The following SLC35D4 variants were observed in gnomAD, a reference collection of about 807,000 sequenced individuals.
The protein encoded by SLC35D4 is solute carrier family 35 member D4, also known as UDP-N-acetylglucosamine transporter SLC35D4.
the SLC35D4 span, among the ~76,000 whole-genome samples, chr18:23,320,953 A>G: frequency 6.6e-6 from 1 of 152,192 alleles, no homozygotes; most frequent in Admixed American, 6.5e-5. Context: ...GCACCACCCC[A>G]GAACTCAGCA....
chr18:23,277,657 T>A, the SLC35D4 span, among the ~76,000 whole-genome samples: 1 of 152,148 alleles, frequency 6.6e-6, no homozygotes, highest in African/African-American at 2.4e-5. Flanking sequence ...TCAAGACTAC[T>A]GCAATAGGAG....
At chr18:23,253,413 G>A in the SLC35D4 span, among the ~76,000 whole-genome samples, 1 of 152,228 alleles carries the variant, frequency 6.6e-6, no homozygotes, top group South Asian at 2.1e-4. Flanking sequence ...AACCCAGGAG[G>A]TGGAGGTTGC....
chr18:23,360,698 T>C, the SLC35D4 span, among the ~76,000 whole-genome samples: 3 of 152,048 alleles, frequency 2.0e-5, no homozygotes, highest in Non-Finnish European at 4.4e-5. Flanking sequence ...GGTGTGTAGA[T>C]TTGCCAAAAT....
At chr18:23,348,680 G>A in the SLC35D4 span, among the ~76,000 whole-genome samples, 1 of 152,060 alleles carries the variant, frequency 6.6e-6, no homozygotes, top group African/African-American at 2.4e-5. Context: ...GTAACTGTCT[G>A]TGTGGTTCTT....
the SLC35D4 span, among the ~76,000 whole-genome samples, chr18:23,315,036 G>A: frequency 6.6e-6 from 1 of 152,330 alleles, no homozygotes; most frequent in East Asian, 1.9e-4. Context: ...GGGGGGTGTT[G>A]TAAGTAGGAA....
At chr18:23,371,639 A>C in the SLC35D4 span, among the ~76,000 whole-genome samples, 1 of 152,092 alleles carries the variant, frequency 6.6e-6, no homozygotes, top group African/African-American at 2.4e-5. Flanking sequence ...TTCCTCAACC[A>C]GTTGCCTACA....
At chr18:23,386,027 G>A in the SLC35D4 span, among the ~76,000 whole-genome samples, 1,988 of 151,458 alleles carry the variant, frequency 0.013, 38 homozygotes, top group African/African-American at 0.046. Context: ...CAGCTACTTG[G>A]GAGGCTGAGG....
chr18:23,294,165 A>T, the SLC35D4 span, among the ~76,000 whole-genome samples: 1 of 152,120 alleles, frequency 6.6e-6, no homozygotes, highest in Non-Finnish European at 1.5e-5. Context: ...GCCTCTCCTA[A>T]TAGAAAGCAC....
At chr18:23,354,749 C>G in the SLC35D4 span, among the ~76,000 whole-genome samples, 5 of 152,208 alleles carry the variant, frequency 3.3e-5, no homozygotes, top group African/African-American at 1.2e-4. Context: ...GACCTGTCCT[C>G]TCAGTGCAGA....
the SLC35D4 span, among the ~76,000 whole-genome samples, chr18:23,252,774 G>A: frequency 2.6e-5 from 4 of 152,118 alleles, no homozygotes; most frequent in East Asian, 1.9e-4. Context: ...CTTGTTTTCC[G>A]TTCGCCTCCA....
the SLC35D4 span, among the ~76,000 whole-genome samples, chr18:23,316,505 G>C: frequency 1.3e-5 from 2 of 152,182 alleles, no homozygotes; most frequent in Non-Finnish European, 2.9e-5. Context: ...CCACAATCAG[G>C]GTAATTATTA....
At chr18:23,257,282 CGGTGTTAGT>C in the SLC35D4 span, 1 of 1,613,630 alleles carries the variant, frequency 6.2e-7, no homozygotes. Flanking sequence ...TTTGAATTCC[CGGTGTTAGT>C]GGCCTTGGAA....
the SLC35D4 span, among the ~76,000 whole-genome samples, chr18:23,283,471 C>CT: frequency 2.3e-5 from 1 of 44,436 alleles, no homozygotes; most frequent in African/African-American, 8.8e-5. Context: ...GACCCAGTCT[C>CT]AAAAAAAAAA....
the SLC35D4 span, among the ~76,000 whole-genome samples, chr18:23,343,743 G>A: frequency 1.3e-5 from 2 of 152,074 alleles, no homozygotes; most frequent in Admixed American, 6.5e-5. Context: ...AGGCCCCGGT[G>A]TCAGCCGTTA....
chr18:23,421,576 C>T, the SLC35D4 span: 4 of 715,124 alleles, frequency 5.6e-6, no homozygotes, highest in Non-Finnish European at 9.5e-6. Flanking sequence ...CTCCTACTCT[C>T]TCCCAATTAT....
the SLC35D4 span, among the ~76,000 whole-genome samples, chr18:23,305,008 C>A: frequency 6.6e-6 from 1 of 152,162 alleles, no homozygotes; most frequent in Non-Finnish European, 1.5e-5. Flanking sequence ...TTTGATAACC[C>A]CTTAAATGTT....
chr18:23,424,369 A>C, the SLC35D4 span, among the ~76,000 whole-genome samples: 1 of 152,214 alleles, frequency 6.6e-6, no homozygotes, highest in Non-Finnish European at 1.5e-5. Flanking sequence ...TACCCCAGGC[A>C]TCTGCAGAAT....
chr18:23,314,869 G>A, the SLC35D4 span, among the ~76,000 whole-genome samples: 84 of 152,332 alleles, frequency 5.5e-4, no homozygotes, highest in African/African-American at 1.8e-3. Context: ...GGTGTCAGCC[G>A]CAGGGCTTTG....
the SLC35D4 span, among the ~76,000 whole-genome samples, chr18:23,282,060 C>T: frequency 6.6e-6 from 1 of 152,220 alleles, no homozygotes; most frequent in Non-Finnish European, 1.5e-5. Context: ...ATTTGCCATG[C>T]AAATCAACTG....
Sources: allele counts gnomAD v4.1 joint callset (sites outside exome capture counted in the v4.1 genomes callset), GRCh38; gene constraint gnomAD v4.1.1; transcripts MANE v1.5; gene names NCBI Gene and HGNC (gene_info 2026-07-23, HGNC 2026-07-21).